The following MTUS2 variants were observed in gnomAD, a reference collection of about 807,000 sequenced individuals.
MTUS2 encodes the protein microtubule associated scaffold protein 2, also known as microtubule-associated tumor suppressor candidate 2.
Under a neutral mutation model 114.1 loss-of-function variants are expected in MTUS2, and 40 were observed. That is an observed-to-expected ratio of 0.35 (90% CI 0.27 to 0.46). The LOEUF is 0.46. MTUS2 is among the 20% of genes least tolerant of loss of function. The pLI, the probability that MTUS2 is intolerant of heterozygous loss-of-function variation, is 1.00. For synonymous variants in MTUS2, 688 were observed against 672.0 expected (o/e 1.02, Z -0.37); for missense variants, 1,679 against 1,705.4 (o/e 0.98, Z 0.27).
chr13:28,856,039 A>G (rs1202133444), intron 2 of MTUS2, among the ~76,000 whole-genome samples: 1 of 152,122 alleles, frequency 6.6e-6, no homozygotes, highest in Non-Finnish European at 1.5e-5. Context: ...AAGGTTTTAT[A>G]CCGCACATCT....
intron 2 of MTUS2, among the ~76,000 whole-genome samples, chr13:28,867,254 C>T (rs982755455): frequency 2.6e-5 from 4 of 152,176 alleles, no homozygotes; most frequent in Admixed American, 6.5e-5. Flanking sequence ...GCAAAACTTG[C>T]TAATGGCTTT....
At chr13:29,164,332 CATCATT>C (rs1244153328) in intron 5 of MTUS2, among the ~76,000 whole-genome samples, 3 of 152,192 alleles carry the variant, frequency 2.0e-5, no homozygotes, top group African/African-American at 7.2e-5. Flanking sequence ...ATGTTGTTTA[CATCATT>C]ATTTCTGTCC....
chr13:29,416,082 A>ATTTT (rs139281629), intron 8 of MTUS2, among the ~76,000 whole-genome samples: 18 of 127,732 alleles, frequency 1.4e-4, no homozygotes, highest in African/African-American at 4.1e-4. Flanking sequence ...CACCCCACTA[A>ATTTT]TTTTTTTTTT....
At position 29,108,843 on chromosome 13, in the gene MTUS2, C is replaced by T. The variant is rs528000557; in HGVS notation, c.2644+7873C>T. Among the ~76,000 whole-genome samples the T allele has an allele frequency of 7.2e-4, 110 of 152,286 alleles. 1 individual carries two copies. Among genetic ancestry groups the T allele is most frequent in the Non-Finnish European group, 1.3e-3 (86 of 68,010 alleles). On this transcript the variant is annotated intron_variant, in intron 5 of 15. Coordinates refer to ENST00000612955, the MANE Select transcript of MTUS2 (RefSeq NM_001033602.4). Reference sequence around the variant, plus strand: ...CTGCATTATGTCTTCAGATGGAATTCTTCCACATTGGTTTTAGGTAATTGA... The same window carrying T: ...CTGCATTATGTCTTCAGATGGAATTTTTCCACATTGGTTTTAGGTAATTGA...
At chr13:29,133,265 C>G (rs1293661441) in intron 5 of MTUS2, among the ~76,000 whole-genome samples, 1 of 151,808 alleles carries the variant, frequency 6.6e-6, no homozygotes, top group Non-Finnish European at 1.5e-5. Flanking sequence ...GATATTAATC[C>G]CTTATCAGAT....
chr13:29,130,521 C>G (rs764762465), intron 5 of MTUS2, among the ~76,000 whole-genome samples: 1 of 152,216 alleles, frequency 6.6e-6, no homozygotes, highest in Non-Finnish European at 1.5e-5. Flanking sequence ...CAACCTTTGC[C>G]TTCTGCCCCT....
intron 5 of MTUS2, among the ~76,000 whole-genome samples, chr13:29,155,333 A>C (rs1892815940): frequency 6.6e-6 from 1 of 152,224 alleles, no homozygotes. Flanking sequence ...GGCTGATAGC[A>C]TTTGGTCTTT....
intron 5 of MTUS2, among the ~76,000 whole-genome samples, chr13:29,223,352 C>T (rs903741090): frequency 6.6e-6 from 1 of 152,150 alleles, no homozygotes; most frequent in African/African-American, 2.4e-5. Flanking sequence ...CTGTGGGCCT[C>T]CTCTTTGCTG....
chr13:29,021,575 TG>T (rs1388573586), intron 2 of MTUS2, among the ~76,000 whole-genome samples: 1 of 152,224 alleles, frequency 6.6e-6, no homozygotes, highest in African/African-American at 2.4e-5. Context: ...AGAGGGCTCT[TG>T]GCTGCATATT....
intron 2 of MTUS2, among the ~76,000 whole-genome samples, chr13:28,868,395 AGCCTG>A (rs943789084): frequency 2.6e-5 from 4 of 152,114 alleles, no homozygotes; most frequent in African/African-American, 9.7e-5. Flanking sequence ...GCTCTTTCTC[AGCCTG>A]CTGGGTTGGC....
chr13:29,429,854 G>A (rs1477657295), intron 8 of MTUS2, among the ~76,000 whole-genome samples: 4 of 152,094 alleles, frequency 2.6e-5, no homozygotes, highest in Non-Finnish European at 5.9e-5. Context: ...ATCAAAAAGC[G>A]GTCACTTGGG....
rs752936015 is a variant in MTUS2 at position 29,359,332 on chromosome 13, G to A, written c.2976G>A (p.Glu992=). 7.4e-6 allele frequency: 12 copies of A among 1,611,472 alleles called. No individual in the cohort carries two copies. Among genetic ancestry groups the A allele is most frequent in the Non-Finnish European group, 5.9e-6 (7 of 1,179,036 alleles). ...FPPKPDPQAR[E]AERQLVLRLK... ...CCAAGCCGGACCCGCAGGCCCGTGAGGCTGAGCGGCAGCTGGTGCTGCGGC... is the reference window on the plus strand; with the variant it reads ...CCAAGCCGGACCCGCAGGCCCGTGAAGCTGAGCGGCAGCTGGTGCTGCGGC... The change falls in exon 8 of 16, where the codon GAG becomes GAA. Residue 992 remains glutamate, a synonymous_variant. Coordinates refer to ENST00000612955, the MANE Select transcript of MTUS2 (RefSeq NM_001033602.4).
At chr13:29,323,211 G>A (rs1452476818) in intron 6 of MTUS2, among the ~76,000 whole-genome samples, 1 of 151,728 alleles carries the variant, frequency 6.6e-6, no homozygotes, top group Non-Finnish European at 1.5e-5. Flanking sequence ...TAAGACGATG[G>A]TGAACTGAAT....
intron 2 of MTUS2, among the ~76,000 whole-genome samples, chr13:29,022,298 T>C (rs1332062515): frequency 6.6e-6 from 1 of 152,116 alleles, no homozygotes; most frequent in Admixed American, 6.5e-5. Flanking sequence ...AGGAGGAGCA[T>C]GAGGATGGCT....
rs1304017832 is a variant in MTUS2, at chr13:29,326,765, GAGGTCAGGAGTTCGACACCA to G, written c.2905+2055_2905+2074del. Among the ~76,000 whole-genome samples the G allele has an allele frequency of 2.6e-5, 4 of 152,250 alleles. No homozygotes were observed. The East Asian group carries it at 7.7e-4, about 29-fold the overall frequency. On this transcript the variant is annotated intron_variant, in intron 7 of 15. Transcript: ENST00000612955. Reference sequence around the variant, plus strand: ...GGAGGCTGAGGTGGGTGGATTACCTGAGGTCAGGAGTTCGACACCAGCCTGACCAACATGGTGAAACCCTG... The same window carrying G: ...GGAGGCTGAGGTGGGTGGATTACCTGGCCTGACCAACATGGTGAAACCCTG...
chr13:29,112,463 A>T (rs1487477848), intron 5 of MTUS2, among the ~76,000 whole-genome samples: 1 of 152,170 alleles, frequency 6.6e-6, no homozygotes. Flanking sequence ...AGTGAGTTTA[A>T]CAAAATGTAT....
chr13:29,158,358 C>CCCCCCCCTCCTCT, intron 5 of MTUS2, among the ~76,000 whole-genome samples: 1 of 32,048 alleles, frequency 3.1e-5, no homozygotes, highest in Non-Finnish European at 5.1e-5. Context: ...GTCCACCCCG[C>CCCCCCCCTCCTCT]TTTTTTTTTT....
At chr13:28,847,322 T>A (rs1420978750) in intron 2 of MTUS2, among the ~76,000 whole-genome samples, 1 of 151,652 alleles carries the variant, frequency 6.6e-6, no homozygotes, top group Non-Finnish European at 1.5e-5. Context: ...AGGATGAGGG[T>A]GGAGTATAAG....
rs970174380 is a variant in MTUS2 at position 29,480,514 on chromosome 13, T to C, written c.3399+150T>C. 1 of 834,828 alleles carries C rather than the reference T, an allele frequency of 1.2e-6. No individual in the cohort carries two copies. Among genetic ancestry groups the C allele is most frequent in the Admixed American group, 3.0e-5 (1 of 33,758 alleles). The allele number at this position is 834,828 out of a possible 1,614,324, so 51.7% of individuals were successfully genotyped here. On this transcript the variant is annotated intron_variant, in intron 10 of 15. Transcript: ENST00000612955. The surrounding 1 kb of genome is among the most constrained non-coding windows in gnomAD (Gnocchi z 4.4). Reference sequence around the variant, plus strand: ...GAGTTGCTTTCTCCTTTCTCCCCGCTCCTCTCTTCTCCTCCAGCCACTGTG... The same window carrying C: ...GAGTTGCTTTCTCCTTTCTCCCCGCCCCTCTCTTCTCCTCCAGCCACTGTG...
Sources: gnomAD v4.1 joint callset for allele counts (sites outside exome capture counted in the v4.1 genomes callset) on GRCh38, gnomAD v4.1.1 for gene constraint, Gnocchi (gnomAD v3.1) non-coding constraint, MANE v1.5 for transcripts, NCBI Gene and HGNC (gene_info 2026-07-23, HGNC 2026-07-21) for gene names.